The following CDH6 variants were observed in gnomAD, a reference collection of about 807,000 sequenced individuals.
CDH6 encodes cadherin 6.
Under a neutral mutation model 78.0 loss-of-function variants are expected in CDH6, and 31 were observed. The ratio of observed to expected loss-of-function variants is 0.40; its 90% CI spans 0.30 to 0.54. The LOEUF (loss-of-function observed/expected upper bound fraction) is 0.54, where lower values mean the gene tolerates loss of function less well. CDH6 is among the 20% of genes least tolerant of loss of function. The pLI, the probability that CDH6 is intolerant of heterozygous loss-of-function variation, is 0.56. For missense variants in CDH6, 724 were observed against 975.9 expected (o/e 0.74, Z 3.44); for synonymous variants, 376 against 368.8 (o/e 1.02, Z -0.23).
chr5:31,317,960 G>A (rs202091760), intron 11 of CDH6, 36 bp downstream of exon 11: 1 of 1,605,280 alleles, frequency 6.2e-7, no homozygotes, highest in Non-Finnish European at 8.5e-7. Flanking sequence ...TCTCCCCATG[G>A]TGAGGGGCTC....
chr5:31,302,919 GAAAGA>G (rs1249707476), intron 6 of CDH6, among the ~76,000 whole-genome samples: 2 of 116,648 alleles, frequency 1.7e-5, no homozygotes, highest in African/African-American at 5.8e-5. Context: ...AAGAAAGAAA[GAAAGA>G]AAGAAAGAAA....
At chr5:31,207,121 T>C (rs1275769658) in intron 1 of CDH6, among the ~76,000 whole-genome samples, 1 of 152,226 alleles carries the variant, frequency 6.6e-6, no homozygotes, top group East Asian at 1.9e-4. Flanking sequence ...CTCAGCCATT[T>C]AATGAACACT....
intron 2 of CDH6, among the ~76,000 whole-genome samples, chr5:31,271,201 A>T (rs1238036945): frequency 6.6e-6 from 1 of 152,186 alleles, no homozygotes; most frequent in Non-Finnish European, 1.5e-5. Context: ...TTATGATGAC[A>T]CAAATTAATT....
chr5:31,317,578 C>A, intron 10 of CDH6, 86 bp downstream of exon 10: 1 of 1,529,302 alleles, frequency 6.5e-7, no homozygotes, highest in Admixed American at 1.8e-5. Context: ...TGTATATGTA[C>A]ATATCTGTAT....
chr5:31,200,597 CAT>C (rs1554035117), intron 1 of CDH6, among the ~76,000 whole-genome samples: 2 of 148,008 alleles, frequency 1.4e-5, no homozygotes, highest in Non-Finnish European at 3.0e-5. Flanking sequence ...CACACACACA[CAT>C]ATACACACCA....
chr5:31,301,411 C>G (rs2149951204), intron 5 of CDH6, among the ~76,000 whole-genome samples: 1 of 152,204 alleles, frequency 6.6e-6, no homozygotes, highest in Middle Eastern at 3.4e-3. Context: ...TGTAGTCTCT[C>G]TAAACTAAGT....
intron 1 of CDH6, among the ~76,000 whole-genome samples, chr5:31,258,507 G>C (rs566626966): frequency 6.6e-6 from 1 of 152,110 alleles, no homozygotes; most frequent in African/African-American, 2.4e-5. Context: ...GGCTAGGGGA[G>C]GGATAGCATT....
chr5:31,269,286 G>GGA (rs10647164), intron 2 of CDH6, among the ~76,000 whole-genome samples: 67,571 of 148,572 alleles, frequency 0.45, 15,805 homozygotes, highest in Middle Eastern at 0.58. Flanking sequence ...AAAAAAGCGG[G>GGA]GGGGGCAGGT....
At chr5:31,318,359 C>T (rs1377153024) in intron 11 of CDH6, 8 of 305,504 alleles carry the variant, frequency 2.6e-5, no homozygotes, top group Admixed American at 9.0e-5. Flanking sequence ...AGTATGATGA[C>T]TTTTCTCTCA....
intron 1 of CDH6, chr5:31,249,209 C>T (rs957016766): frequency 2.0e-5 from 3 of 152,146 alleles, no homozygotes; most frequent in African/African-American, 7.2e-5. Context: ...TCCTTTCCTT[C>T]ACAGCACAAA....
chr5:31,288,573 T>C (rs1293011274), intron 2 of CDH6, among the ~76,000 whole-genome samples: 1 of 152,212 alleles, frequency 6.6e-6, no homozygotes, highest in East Asian at 1.9e-4. Context: ...TAGACATCTA[T>C]ACGTATACAT....
intron 1 of CDH6, among the ~76,000 whole-genome samples, chr5:31,195,199 T>A (rs1740128647): frequency 6.6e-6 from 1 of 151,894 alleles, no homozygotes; most frequent in African/African-American, 2.4e-5. Flanking sequence ...AAGGAAGAGG[T>A]TTTCCCTGCA....
At chr5:31,292,071 G>A (rs940853631) in intron 2 of CDH6, among the ~76,000 whole-genome samples, 13 of 152,182 alleles carry the variant, frequency 8.5e-5, no homozygotes, top group African/African-American at 3.1e-4. Context: ...CTGCGCTCAA[G>A]AGTTAATCTT....
intron 7 of CDH6, among the ~76,000 whole-genome samples, chr5:31,308,432 GA>G (rs11362502): frequency 0.89 from 125,471 of 141,298 alleles, 56,441 homozygotes; most frequent in East Asian, 0.99. Context: ...ATGAAGTCCT[GA>G]AAAAAAAAAA....
intron 1 of CDH6, among the ~76,000 whole-genome samples, chr5:31,203,238 T>C (rs1464933116): frequency 1.5e-5 from 2 of 133,954 alleles, no homozygotes; most frequent in South Asian, 2.2e-4. Flanking sequence ...AGGTCCTTTT[T>C]TTTTTTTATT....
chr5:31,313,201 A>C (rs1019657608), intron 7 of CDH6, 117 bp from the exon 8 acceptor site: 7 of 898,562 alleles, frequency 7.8e-6, no homozygotes, highest in Admixed American at 5.1e-5. Flanking sequence ...GATGGAAAAA[A>C]ATTTATGCCA....
At chr5:31,266,434 G>A (rs1423957511) in intron 1 of CDH6, among the ~76,000 whole-genome samples, 2 of 152,178 alleles carry the variant, frequency 1.3e-5, no homozygotes, top group Admixed American at 6.5e-5. Flanking sequence ...TGTAATTTTT[G>A]TTATAACAAA....
chr5:31,197,010 G>A (rs541257167), intron 1 of CDH6, among the ~76,000 whole-genome samples: 1 of 151,586 alleles, frequency 6.6e-6, no homozygotes, highest in South Asian at 2.1e-4. Context: ...AAAAAAAAGT[G>A]CAATGACTGT....
At chr5:31,317,975 T>C in intron 11 of CDH6, 51 bp downstream of exon 11, 1 of 1,596,046 alleles carries the variant, frequency 6.3e-7, no homozygotes, top group Non-Finnish European at 8.5e-7. Context: ...GGGCTCACAC[T>C]GTTACTGTGA....
Sources: gnomAD v4.1 joint callset for allele counts (sites outside exome capture counted in the v4.1 genomes callset) on GRCh38, gnomAD v4.1.1 for gene constraint, MANE v1.5 for transcripts, NCBI Gene and HGNC (gene_info 2026-07-23, HGNC 2026-07-21) for gene names.